BBS9: variants seen among roughly 807,000 people sequenced by gnomAD.
BBS9 encodes the protein Bardet-Biedl syndrome 9, also known as protein PTHB1.
A neutral mutation model predicts 117.7 loss-of-function variants in BBS9; 89 were observed. That is an observed-to-expected ratio of 0.76 (90% CI 0.64 to 0.90). The LOEUF (loss-of-function observed/expected upper bound fraction) is 0.90, where lower values mean the gene tolerates loss of function less well. BBS9 is among the 40% of genes least tolerant of loss of function. The pLI, the probability that BBS9 is intolerant of heterozygous loss-of-function variation, is 0.00. For missense variants in BBS9, 982 were observed against 1,042.2 expected, an observed-to-expected ratio of 0.94 and a Z score of 0.80; for synonymous variants, 379 against 370.9, an observed-to-expected ratio of 1.02 and a Z score of -0.25.
intron 5 of BBS9, among the ~76,000 whole-genome samples, chr7:33,184,380 C>T (rs908013904): frequency 5.3e-5 from 8 of 152,160 alleles, no homozygotes; most frequent in African/African-American, 1.7e-4. Flanking sequence ...CAGCAAAGAG[C>T]GCAAGGCAGA....
chr7:33,514,890 T>C (rs1486360129), intron 20 of BBS9, among the ~76,000 whole-genome samples: 1 of 152,216 alleles, frequency 6.6e-6, no homozygotes, highest in Admixed American at 6.5e-5. Context: ...CTGCATTAGA[T>C]GCATGACCCC....
intron 21 of BBS9, among the ~76,000 whole-genome samples, chr7:33,623,593 A>T (rs1399130598): frequency 8.5e-5 from 1 of 11,770 alleles, no homozygotes; most frequent in African/African-American, 3.8e-4. Flanking sequence ...TGATTAAAAA[A>T]AAGAAAAACC....
chr7:33,129,288 G>T, upstream of BBS9: 1 of 553,480 alleles, frequency 1.8e-6, no homozygotes, highest in Non-Finnish European at 3.2e-6. Flanking sequence ...CGCGGCCGGG[G>T]GGGCGTGGCC....
chr7:33,310,230 C>A (rs1808923812), intron 9 of BBS9, among the ~76,000 whole-genome samples: 1 of 152,098 alleles, frequency 6.6e-6, no homozygotes, highest in Non-Finnish European at 1.5e-5. Context: ...TCTTTGATTT[C>A]TTTCTGTCAT....
intron 19 of BBS9, among the ~76,000 whole-genome samples, chr7:33,449,789 A>G (rs1461352472): frequency 2.0e-5 from 3 of 152,212 alleles, no homozygotes; most frequent in Admixed American, 2.0e-4. Flanking sequence ...AACAAATTGT[A>G]TCATTCTTGG....
intron 4 of BBS9, among the ~76,000 whole-genome samples, chr7:33,168,642 A>G (rs1273337284): frequency 6.6e-6 from 1 of 152,146 alleles, no homozygotes; most frequent in Non-Finnish European, 1.5e-5. Context: ...CAAGATTTCC[A>G]TAAACCTTTC....
rs772488611 is a variant in BBS9, at chr7:33,352,889, A to C, written c.1552+16A>C. ...AATCCTGATGGTAAGTGTAAAGATA[A>C]TTTAGAAAAAAATGAATTTCAGAAC... On this transcript the variant is annotated intron_variant, in intron 15 of 22. Coordinates refer to ENST00000242067, the MANE Select transcript of BBS9 (RefSeq NM_198428.3). 1 of 1,608,580 alleles carries C rather than the reference A, an allele frequency of 6.2e-7. No homozygotes were observed. Among genetic ancestry groups the C allele is most frequent in the East Asian group, 2.2e-5 (1 of 44,788 alleles).
chr7:33,358,098 TTAAG>T, intron 16 of BBS9, 103 bp downstream of exon 16: 22 of 1,443,026 alleles, frequency 1.5e-5, no homozygotes, highest in Non-Finnish European at 2.1e-5. Context: ...CAGATAATTG[TTAAG>T]TAAGAGTATA....
At chr7:33,188,111 T>TGTGTGTGTGG (rs1783443171) in intron 5 of BBS9, among the ~76,000 whole-genome samples, 1 of 5,000 alleles carries the variant, frequency 2.0e-4, no homozygotes, top group South Asian at 6.2e-3. Flanking sequence ...TGTGTGTGTG[T>TGTGTGTGTGG]GGCGGGTGGG....
At chr7:33,400,742 C>G (rs1158827877) in intron 19 of BBS9, among the ~76,000 whole-genome samples, 1 of 152,078 alleles carries the variant, frequency 6.6e-6, no homozygotes, top group Admixed American at 6.6e-5. Context: ...ACACAGAGAG[C>G]TAATAGTGCT....
chr7:33,170,292 T>C (rs1273829562), intron 4 of BBS9, among the ~76,000 whole-genome samples: 132 of 147,638 alleles, frequency 8.9e-4, no homozygotes, highest in South Asian at 3.8e-3. Context: ...GCAAGGCTGG[T>C]TCAATATATG....
chr7:33,554,466 G>T (rs1196208496), intron 21 of BBS9, among the ~76,000 whole-genome samples: 1 of 152,132 alleles, frequency 6.6e-6, no homozygotes, highest in African/African-American at 2.4e-5. Context: ...ACAGAGCTTG[G>T]TGCTGGATTG....
rs78293183 is a variant in BBS9 at position 33,350,229 on chromosome 7, T to C, written c.1433-990T>C. Among the ~76,000 whole-genome samples, 1,451 of 152,246 alleles carry C rather than the reference T, an allele frequency of 9.5e-3. 24 individuals are homozygous for C. Among genetic ancestry groups the C allele is most frequent in the African/African-American group, 0.033 (1,387 of 41,542 alleles). On this transcript the variant is annotated intron_variant, in intron 13 of 22. Transcript: ENST00000242067. ...ATTCACGAAGTCAAGAACATATCTTTCTTTTTTTGCCTCCACATAACCAAC... is the reference window on the plus strand; with the variant it reads ...ATTCACGAAGTCAAGAACATATCTTCCTTTTTTTGCCTCCACATAACCAAC...
chr7:33,507,388 G>A (rs533646634), intron 20 of BBS9, among the ~76,000 whole-genome samples: 3 of 152,118 alleles, frequency 2.0e-5, no homozygotes, highest in Admixed American at 1.3e-4. Flanking sequence ...TTACAGGTGC[G>A]TGCCACCATG....
chr7:33,534,388 C>CT (rs1332281069), intron 21 of BBS9: 8 of 600,046 alleles, frequency 1.3e-5, no homozygotes, highest in African/African-American at 1.9e-5. Context: ...AATGGTATGT[C>CT]TTTTTTCTTC....
intron 5 of BBS9, among the ~76,000 whole-genome samples, chr7:33,186,422 A>G (rs1783139266): frequency 6.6e-6 from 1 of 152,186 alleles, no homozygotes; most frequent in African/African-American, 2.4e-5. Context: ...AGTCACACTA[A>G]ACTGCCTCCT....
In BBS9 at chr7:33,331,889, A is replaced by G. The variant is rs117012415; in HGVS notation, c.1017-4552A>G. 6.4e-3 allele frequency among the ~76,000 whole-genome samples: 973 copies of G among 152,326 alleles called. 5 individuals carry two copies. Among genetic ancestry groups the G allele is most frequent in the Non-Finnish European group, 9.5e-3 (643 of 68,018 alleles). ...ATGACCATAATGCCCAAAGCAATCT[A>G]TAGATTCAATGCAATTCCCATCAAA... On this transcript the variant is annotated intron_variant, in intron 9 of 22. Transcript: ENST00000242067.
intron 21 of BBS9, among the ~76,000 whole-genome samples, chr7:33,599,879 G>A (rs180949033): frequency 8.0e-4 from 121 of 152,170 alleles, no homozygotes; most frequent in Non-Finnish European, 1.5e-3. Flanking sequence ...ACCTAGCAGT[G>A]GTGAGGGGAA....
intron 21 of BBS9, among the ~76,000 whole-genome samples, chr7:33,595,729 T>G (rs939805553): frequency 6.6e-6 from 1 of 152,090 alleles, no homozygotes; most frequent in African/African-American, 2.4e-5. Flanking sequence ...TAAAGACATA[T>G]GCATGTGTAA....
Sources: allele counts gnomAD v4.1 joint callset (sites outside exome capture counted in the v4.1 genomes callset), GRCh38; gene constraint gnomAD v4.1.1; transcripts MANE v1.5; gene names NCBI Gene and HGNC (gene_info 2026-07-23, HGNC 2026-07-21).